Variants in THAP9 observed in about 807,000 individuals in gnomAD.
THAP9 encodes DNA transposase THAP9.
Under a neutral mutation model 35.7 loss-of-function variants are expected in THAP9, and 20 were observed. The observed-to-expected ratio is 0.56, with a 90% CI of 0.39 to 0.81. The LOEUF is 0.81. THAP9 is among the 40% of genes least tolerant of loss of function. THAP9 has a pLI of 0.00. For synonymous variants in THAP9, 335 were observed against 373.7 expected (o/e 0.90, Z 1.19); for missense variants, 870 against 1,047.4 (o/e 0.83, Z 2.34).
chr4:82,913,079 G>C (rs1720920308), intron 4 of THAP9, among the ~76,000 whole-genome samples: 1 of 151,822 alleles, frequency 6.6e-6, no homozygotes, highest in Admixed American at 6.6e-5. Flanking sequence ...CTTTTTTTAT[G>C]ATCATAAGAA....
At chr4:82,909,422 C>CTCTG (rs1553942147) in intron 4 of THAP9, among the ~76,000 whole-genome samples, 3 of 150,504 alleles carry the variant, frequency 2.0e-5, no homozygotes, top group African/African-American at 4.9e-5. Context: ...TATTTCCTTC[C>CTCTG]TGTGTGTGTG....
In THAP9 at chr4:82,918,713, A is replaced by G. The variant is rs1721137301; in HGVS notation, c.2501A>G (p.Lys834Arg). 2 of 1,613,904 alleles carry G rather than the reference A, an allele frequency of 1.2e-6. No individual in the cohort carries two copies. The highest frequency in any genetic ancestry group is 1.7e-5 in the Admixed American group (1 of 60,002). ...GEVCAINHFV[K>R]LLKDIIICFL... ...GTGTGTGCCATCAATCACTTTGTCA[A>G]GTTGCTAAAGGATATAATAATCTGT... The change falls in exon 5 of 5, where the codon AAG becomes AGG. Residue 834 changes from lysine to arginine, a missense_variant. Physicochemically the swap from Lys to Arg is conservative, Grantham distance 26 (BLOSUM62 2). Around this residue, in one of 3 missense-constraint regions of THAP9, gnomAD observed 414 missense variants for 500.8 expected, o/e 0.83. Transcript: ENST00000302236.
chr4:82,900,807 C>T lies in THAP9; in HGVS notation c.5C>T (p.Thr2Ile). The T allele has an allele frequency of 6.2e-7, 1 of 1,613,698 alleles. No homozygotes were observed. Among genetic ancestry groups the T allele is most frequent in the Non-Finnish European group, 8.5e-7 (1 of 1,180,016 alleles). M[T>I]RSCSAVGCST... ...GGGGCCCCACGTAACAAGAAGATGA[C>T]CCGAAGTTGCTCCGCAGTGGGCTGC... is the stretch of plus-strand genomic sequence containing the variant. Residue 2 changes from threonine (T) to isoleucine (I), a missense_variant, in exon 1 of 5, where the codon ACC becomes ATC. This residue lies in a region of THAP9 where 440 missense variants were observed against 501.2 expected (regional missense o/e 0.88). Transcript: ENST00000302236.
Position 82,918,594 on chromosome 4 carries a change from A to G in THAP9, c.2382A>G (p.Gln794=). 6.2e-7 allele frequency: 1 copy of G among 1,614,088 alleles called. No homozygotes were observed. Among genetic ancestry groups the G allele is most frequent in the Middle Eastern group, 1.7e-4 (1 of 6,060 alleles). The change falls in exon 5 of 5, where the codon CAA becomes CAG. Residue 794 remains glutamine (Q), a synonymous_variant. Coordinates refer to ENST00000302236, the MANE Select transcript of THAP9 (RefSeq NM_024672.6). ...RMAIFELVSK[Q]RELYLQQKIL... is the part of the protein sequence containing the mutation. ...CAATTTTTGAACTAGTTTCTAAACA[A>G]AGGGAATTGTATCTTCAACAGAAAA...
intron 3 of THAP9, among the ~76,000 whole-genome samples, chr4:82,907,124 G>C (rs1205634674): frequency 1.3e-5 from 2 of 152,064 alleles, no homozygotes; most frequent in African/African-American, 2.4e-5. Flanking sequence ...CCATGGAAAG[G>C]CTACCTAGTC....
intron 3 of THAP9, among the ~76,000 whole-genome samples, chr4:82,907,190 G>C (rs1194443548): frequency 6.6e-6 from 1 of 152,098 alleles, no homozygotes; most frequent in Non-Finnish European, 1.5e-5. Flanking sequence ...TTGCCAACTT[G>C]TTCTTTGATG....
At position 82,917,439 on chromosome 4, in the gene THAP9, T is replaced by C. The variant is rs1273693820; in HGVS notation, c.1227T>C (p.Ile409=). 6 of 1,613,990 alleles carry C rather than the reference T, an allele frequency of 3.7e-6. No individual in the cohort carries two copies. The highest frequency in any genetic ancestry group is 5.1e-6 in the Non-Finnish European group (6 of 1,179,978). ...ATCCTTCATCTTCTAGTCAACAGAT[T>C]GCATACTTCTTTGACTCTTGCCACT... ...FQHPSSSSQQ[I]AYFFDSCHLL... is the part of the protein sequence containing the mutation. The change falls in exon 5 of 5, where the codon ATT becomes ATC. Residue 409 remains isoleucine (I), a synonymous_variant. Transcript: ENST00000302236.
At chr4:82,901,407 CTCATATCCA>C (rs1395700277) in intron 1 of THAP9, among the ~76,000 whole-genome samples, 7 of 152,156 alleles carry the variant, frequency 4.6e-5, no homozygotes, top group Non-Finnish European at 1.0e-4. Flanking sequence ...CTTATCTGAA[CTCATATCCA>C]TGGTTCAGAC....
At chr4:82,916,336 C>G (rs1360850901) in intron 4 of THAP9, among the ~76,000 whole-genome samples, 1 of 152,146 alleles carries the variant, frequency 6.6e-6, no homozygotes, top group Non-Finnish European at 1.5e-5. Flanking sequence ...TATGAAAGAA[C>G]TCCTAAGATA....
intron 4 of THAP9, chr4:82,913,253 A>C (rs548707841): frequency 6.6e-6 from 1 of 152,334 alleles, no homozygotes; most frequent in South Asian, 2.1e-4. Flanking sequence ...TGTTCATGAC[A>C]TTGTTCTAGT....
At chr4:82,910,014 A>G (rs924866514) in intron 4 of THAP9, 2 of 152,168 alleles carry the variant, frequency 1.3e-5, no homozygotes, top group Non-Finnish European at 2.9e-5. Context: ...GTTTTAAAGC[A>G]TTACTTAATG....
At chr4:82,904,147 C>T (rs1373755086) in intron 1 of THAP9, among the ~76,000 whole-genome samples, 1 of 149,412 alleles carries the variant, frequency 6.7e-6, no homozygotes. Flanking sequence ...TCACTGCAGC[C>T]TCCACCTCCG....
Position 82,906,562 on chromosome 4 carries a change from A to G in THAP9, c.515A>G (p.Asp172Gly). 1.2e-6 allele frequency: 2 copies of G among 1,613,058 alleles called. No individual in the cohort carries two copies. The highest frequency in any genetic ancestry group is 1.7e-6 in the Non-Finnish European group (2 of 1,179,556). The change falls in exon 3 of 5, where the codon GAT (aspartate) becomes GGT (glycine). Residue 172 changes from aspartate (D) to glycine (G), a missense_variant. Asp to Gly is a moderately conservative substitution (Grantham distance 94). Transcript: ENST00000302236. The stretch of plus-strand genomic sequence containing the variant: ...AAGAGAAAGGGTTTACGATTAATTG[A>G]TGCACTTGTAGAAGAGAAACTACTT... ...IKKRKGLRLIDALVEEKLLSE... is the reference protein window; with the variant it reads ...IKKRKGLRLIGALVEEKLLSE...
rs1721147856 is a variant in THAP9, at chr4:82,918,972, T to C, written c.*48T>C. On this transcript the variant is annotated 3_prime_UTR_variant, in exon 5 of 5. Transcript: ENST00000302236. ...TTTAATTAAGAATACTTGATCAACA[T>C]TTTTTGAAGTTCAATTTACCATATT... 3 of 1,403,152 alleles carry C rather than the reference T, an allele frequency of 2.1e-6. No homozygotes were observed. The highest frequency in any genetic ancestry group is 2.3e-5 in the Admixed American group (1 of 44,034). 86.9% of individuals were successfully genotyped at this position (1,403,152 alleles called of 1,614,324 possible). A position where few individuals can be genotyped will look rare whatever the true frequency, so the allele number is the denominator to read the frequency against.
At position 82,907,710 on chromosome 4, in the gene THAP9, T is replaced by G. The variant is rs547964009; in HGVS notation, c.581-75T>G. ...TTGAATTCTGATGCCCAGTGCATTT[T>G]ATATCCAAATGCTATAATCTGTACC... On this transcript the variant is annotated intron_variant, in intron 3 of 4. Transcript: ENST00000302236. 1.8e-3 allele frequency: 1,966 copies of G among 1,114,002 alleles called. 5 individuals are homozygous for G. The highest frequency in any genetic ancestry group is 2.3e-3 in the Admixed American group (79 of 34,708). 69.0% of individuals were successfully genotyped at this position (1,114,002 alleles called of 1,614,324 possible).
At chr4:82,913,514 G>T (rs763526211) in intron 4 of THAP9, 3 of 152,108 alleles carry the variant, frequency 2.0e-5, no homozygotes, top group Non-Finnish European at 2.9e-5. Flanking sequence ...ACATTCTAGT[G>T]TGCTGTAGCA....
intron 1 of THAP9, among the ~76,000 whole-genome samples, chr4:82,904,455 G>A (rs1266120366): frequency 6.6e-6 from 1 of 152,094 alleles, no homozygotes; most frequent in African/African-American, 2.4e-5. Flanking sequence ...TTAAATTTGA[G>A]CAAATTCTAT....
intron 1 of THAP9, chr4:82,901,088 A>G (rs1391017924): frequency 1.4e-6 from 1 of 721,972 alleles, no homozygotes; most frequent in East Asian, 2.7e-5. Flanking sequence ...TTTACCTCTG[A>G]ATAGCCGGTT....
At chr4:82,912,294 A>G (rs1720890692) in intron 4 of THAP9, among the ~76,000 whole-genome samples, 1 of 152,082 alleles carries the variant, frequency 6.6e-6, no homozygotes, top group Non-Finnish European at 1.5e-5. Context: ...CTCTTTATTT[A>G]TATTTCCTCT....
Sources: allele counts gnomAD v4.1 joint callset (sites outside exome capture counted in the v4.1 genomes callset), GRCh38; gene constraint gnomAD v4.1.1; regional missense constraint gnomAD v4.1.1; transcripts MANE v1.5; gene names NCBI Gene and HGNC (gene_info 2026-07-23, HGNC 2026-07-21).